The following SEPTIN2 variants were observed in gnomAD, a reference collection of about 807,000 sequenced individuals.
SEPTIN2 encodes septin-2.
In SEPTIN2, 34 loss-of-function variants were observed where a neutral mutation model predicts 46.5. The ratio of observed to expected loss-of-function variants is 0.73; its 90% CI spans 0.56 to 0.97. SEPTIN2 has a LOEUF of 0.97. SEPTIN2 is among the 50% of genes least tolerant of loss of function. The pLI, the probability that SEPTIN2 is intolerant of heterozygous loss-of-function variation, is 0.00. For synonymous variants in SEPTIN2, 175 were observed against 153.4 expected (o/e 1.14, Z -1.04); for missense variants, 347 against 448.4 (o/e 0.77, Z 2.04).
At chr2:241,326,464 T>G (rs2077984578) in intron 3 of SEPTIN2, among the ~76,000 whole-genome samples, 1 of 148,378 alleles carries the variant, frequency 6.7e-6, no homozygotes, top group South Asian at 2.2e-4. Flanking sequence ...GATGAAAGTG[T>G]TGTCATTTTC....
chr2:241,341,272 GTCCT>G (rs2081228510), intron 7 of SEPTIN2, among the ~76,000 whole-genome samples: 1 of 152,136 alleles, frequency 6.6e-6, no homozygotes, highest in African/African-American at 2.4e-5. Flanking sequence ...ATGGACTCCT[GTCCT>G]TCCAGCTCCC....
At chr2:241,315,869 C>G (rs1053958775), upstream of SEPTIN2, 4 of 151,004 alleles carry the variant, frequency 2.6e-5, no homozygotes, top group Non-Finnish European at 5.9e-5. Context: ...GTGACGCAAT[C>G]CGCCTGCGCG....
intron 1 of SEPTIN2, among the ~76,000 whole-genome samples, chr2:241,319,388 G>A (rs1575123360): frequency 6.6e-6 from 1 of 152,220 alleles, no homozygotes; most frequent in Non-Finnish European, 1.5e-5. Context: ...GTTGAAGCTG[G>A]ATAATGGATA....
At chr2:241,327,859 C>A (rs917774527) in intron 3 of SEPTIN2, among the ~76,000 whole-genome samples, 1 of 150,212 alleles carries the variant, frequency 6.7e-6, no homozygotes, top group Non-Finnish European at 1.5e-5. Flanking sequence ...AAGACCAGTT[C>A]AAGAGCAACA....
At chr2:241,324,091 C>G (rs1352028852) in intron 1 of SEPTIN2, 125 bp from the exon 2 acceptor site, 1 of 822,614 alleles carries the variant, frequency 1.2e-6, no homozygotes, top group East Asian at 2.6e-5. Context: ...ATTGTATTTT[C>G]TTTTTACATT....
Position 241,344,047 on chromosome 2 carries a change from T to C in SEPTIN2, c.842+150T>C, listed in dbSNP as rs543697212. The stretch of plus-strand genomic sequence containing the variant: ...TCACATCGCAGAAGTGGTGTGGGGC[T>C]GTTGCAGATTGGTGCTGAGAACCCT... On this transcript the variant is annotated intron_variant, in intron 9 of 12. Coordinates refer to ENST00000391971, the MANE Select transcript of SEPTIN2 (RefSeq NM_004404.5). 24 of 975,318 alleles carry C rather than the reference T, an allele frequency of 2.5e-5. No homozygotes were observed. In the African/African-American group the frequency reaches 3.6e-4, roughly 15 times the overall value. 60.4% of individuals were successfully genotyped at this position (975,318 alleles called of 1,614,324 possible). A position where few individuals can be genotyped will look rare whatever the true frequency, so the allele number is the denominator to read the frequency against.
At chr2:241,342,023 T>A (rs12151655) in intron 7 of SEPTIN2, among the ~76,000 whole-genome samples, 16,871 of 152,170 alleles carry the variant, frequency 0.11, 1,188 homozygotes, top group Non-Finnish European at 0.15. Flanking sequence ...GCTTGATAGG[T>A]CCGATTGTGG....
intron 1 of SEPTIN2, chr2:241,316,576 G>A (rs766975454): frequency 2.7e-5 from 41 of 1,501,940 alleles, no homozygotes; most frequent in African/African-American, 5.6e-5. Context: ...GCAGCAGGGG[G>A]TAGGGTATAG....
At chr2:241,327,050 CAAAAAAAAAA>C (rs59492636) in intron 3 of SEPTIN2, among the ~76,000 whole-genome samples, 9 of 66,020 alleles carry the variant, frequency 1.4e-4, no homozygotes, top group South Asian at 1.3e-3. Flanking sequence ...AACCTTGTCT[CAAAAAAAAAA>C]AAAAAAAAAA....
chr2:241,346,006 C>T (rs577534684), intron 9 of SEPTIN2, among the ~76,000 whole-genome samples, 160 bp from the exon 10 acceptor site: 8 of 152,300 alleles, frequency 5.3e-5, no homozygotes, highest in South Asian at 2.1e-4. Context: ...GACATTTCCA[C>T]GGCCATACTC....
chr2:241,333,811 G>A (rs1299293842), intron 3 of SEPTIN2, among the ~76,000 whole-genome samples: 1 of 152,136 alleles, frequency 6.6e-6, no homozygotes, highest in Non-Finnish European at 1.5e-5. Context: ...CTGTGCGTCT[G>A]CACATTGCAA....
intron 1 of SEPTIN2, chr2:241,320,188 C>A (rs1308214001): frequency 2.1e-6 from 1 of 469,324 alleles, no homozygotes; most frequent in South Asian, 1.6e-5. Flanking sequence ...AAATTGTTTT[C>A]CCTTTTCTCT....
chr2:241,352,808 C>G lies in SEPTIN2; in HGVS notation c.*871C>G, dbSNP rs1017891279. 10 of 152,194 alleles carry G rather than the reference C, an allele frequency of 6.6e-5. No homozygotes were observed. The highest frequency in any genetic ancestry group is 2.4e-4 in the African/African-American group (10 of 41,460). 9.4% of individuals were successfully genotyped at this position (152,194 alleles called of 1,614,324 possible). ...ATTCAGTGAACTAATTTGGTTTTTACTCAACCAAATTAAAAATTTTTTTAA... is the reference window on the plus strand; with the variant it reads ...ATTCAGTGAACTAATTTGGTTTTTAGTCAACCAAATTAAAAATTTTTTTAA... On this transcript the variant is annotated 3_prime_UTR_variant, in exon 13 of 13. Transcript: ENST00000391971.
intron 3 of SEPTIN2, among the ~76,000 whole-genome samples, chr2:241,332,589 CT>C (rs1296418762): frequency 6.6e-6 from 1 of 152,196 alleles, no homozygotes; most frequent in Non-Finnish European, 1.5e-5. Context: ...CAGTTTGGTA[CT>C]TCCTTAACAG....
At chr2:241,317,121 T>A (rs756981711) in intron 1 of SEPTIN2, 1 of 152,244 alleles carries the variant, frequency 6.6e-6, no homozygotes, top group Non-Finnish European at 1.5e-5. Flanking sequence ...AAGAAAAACA[T>A]CATGGTGTAG....
intron 2 of SEPTIN2, 45 bp downstream of exon 2, chr2:241,324,286 T>G: frequency 6.5e-7 from 1 of 1,549,724 alleles, no homozygotes; most frequent in Non-Finnish European, 8.8e-7. Flanking sequence ...AGAAATTGCT[T>G]TATGTTTTCA....
chr2:241,350,181 G>A lies in SEPTIN2; in HGVS notation c.*7G>A, dbSNP rs1052484753. 6.2e-7 allele frequency: 1 copy of A among 1,604,910 alleles called. No individual in the cohort carries two copies. Among genetic ancestry groups the A allele is most frequent in the Non-Finnish European group, 8.5e-7 (1 of 1,175,802 alleles). ...TCTCGGGCACCACGTGTAAGGTGAT[G>A]TGCACATATCAAGAAGTCAGAGGTA... is the stretch of plus-strand genomic sequence containing the variant. On this transcript the variant is annotated 3_prime_UTR_variant, in exon 12 of 13. Transcript: ENST00000391971.
chr2:241,318,103 G>C (rs895708987), intron 1 of SEPTIN2: 3 of 150,634 alleles, frequency 2.0e-5, no homozygotes, highest in Admixed American at 6.6e-5. Context: ...AAACATTGTG[G>C]ATCCAAGTTA....
intron 1 of SEPTIN2, among the ~76,000 whole-genome samples, chr2:241,323,174 AT>A (rs1189964295): frequency 0.04 from 5,615 of 140,458 alleles, 251 homozygotes; most frequent in African/African-American, 0.11. Context: ...CCACCATCTA[AT>A]TTTTTTTTTT....
Sources: allele counts gnomAD v4.1 joint callset (sites outside exome capture counted in the v4.1 genomes callset), GRCh38; gene constraint gnomAD v4.1.1; transcripts MANE v1.5; gene names NCBI Gene and HGNC (gene_info 2026-07-23, HGNC 2026-07-21).